Variants in SEMA5B observed in about 807,000 individuals in gnomAD.
SEMA5B encodes the protein semaphorin 5B, also known as semaphorin-5B.
A neutral mutation model predicts 135.0 loss-of-function variants in SEMA5B; 66 were observed. That is an observed-to-expected ratio of 0.49 (90% CI 0.40 to 0.60). The LOEUF (loss-of-function observed/expected upper bound fraction) is 0.60. Among genes scored for constraint, SEMA5B ranks in the 20% least tolerant of loss-of-function variants. The pLI is 0.00. For missense variants in SEMA5B, 1,501 were observed against 1,566.3 expected, an observed-to-expected ratio of 0.96 and a Z score of 0.70; for synonymous variants, 690 against 639.5, an observed-to-expected ratio of 1.08 and a Z score of -1.19.
chr3:122,932,621 C>T (rs1189889831), intron 5 of SEMA5B, among the ~76,000 whole-genome samples: 2 of 152,160 alleles, frequency 1.3e-5, no homozygotes, highest in East Asian at 3.8e-4. Flanking sequence ...GCAAGCCATA[C>T]TGCCCAGACC....
At chr3:122,968,560 C>T (rs1452487072) in intron 1 of SEMA5B, among the ~76,000 whole-genome samples, 2 of 152,090 alleles carry the variant, frequency 1.3e-5, no homozygotes, top group East Asian at 1.9e-4. Flanking sequence ...CTCCAACGCC[C>T]GCCCCAACAC....
chr3:122,974,602 G>A (rs1013430110), intron 1 of SEMA5B, among the ~76,000 whole-genome samples: 9 of 152,170 alleles, frequency 5.9e-5, no homozygotes, highest in Admixed American at 1.3e-4. Flanking sequence ...AGCTGAGCAG[G>A]CCATGGGGCT....
chr3:122,978,703 T>C (rs896354494), intron 1 of SEMA5B, among the ~76,000 whole-genome samples: 1 of 152,030 alleles, frequency 6.6e-6, no homozygotes, highest in African/African-American at 2.4e-5. Flanking sequence ...TGGAGAGGCA[T>C]GGACAGCCAG....
chr3:122,985,637 T>A (rs1941673987), intron 1 of SEMA5B, among the ~76,000 whole-genome samples: 1 of 152,122 alleles, frequency 6.6e-6, no homozygotes, highest in South Asian at 2.1e-4. Flanking sequence ...ATTTGATAGA[T>A]CTACCCCCAG....
chr3:122,923,674 G>A lies in SEMA5B; in HGVS notation c.1215C>T (p.Tyr405=). The A allele has an allele frequency of 6.2e-7, 1 of 1,614,134 alleles. No individual in the cohort carries two copies. ...ISQAFNGPFR[Y]QENPRAAWLP... ...GCCAGGCAGCCCTGGGGTTCTCCTG[G>A]TAGCGAAATGGGCCATTGAAAGCCT... The change falls in exon 10 of 23, where the codon TAC becomes TAT. Residue 405 remains tyrosine (Y), a synonymous_variant. Coordinates refer to ENST00000357599, the MANE Select transcript of SEMA5B (RefSeq NM_001031702.4).
At chr3:123,018,078 G>C (rs917569114) in intron 1 of SEMA5B, among the ~76,000 whole-genome samples, 10 of 152,186 alleles carry the variant, frequency 6.6e-5, no homozygotes, top group African/African-American at 2.4e-4. Flanking sequence ...GAGAATTCCT[G>C]CTCTAAAGAA....
chr3:122,923,697 C>T lies in SEMA5B; in HGVS notation c.1192G>A (p.Ala398Thr). The T allele has an allele frequency of 6.2e-7, 1 of 1,614,106 alleles. No homozygotes were observed. The highest frequency in any genetic ancestry group is 8.5e-7 in the Non-Finnish European group (1 of 1,179,994). The change falls in exon 10 of 23, where the codon GCT (alanine) becomes ACT (threonine). Residue 398 changes from alanine to threonine, a missense_variant. Around this residue, in one of 2 missense-constraint regions of SEMA5B, gnomAD observed 574 missense variants for 684.7 expected, o/e 0.84. Coordinates refer to ENST00000357599, the MANE Select transcript of SEMA5B (RefSeq NM_001031702.4). ...CAFNLSAISQ[A>T]FNGPFRYQEN... ...TGGTAGCGAAATGGGCCATTGAAAG[C>T]CTGGGAGATAGCACTGAGGTTGAAG...
chr3:123,003,791 G>A lies in SEMA5B; in HGVS notation c.-39+23673C>T, dbSNP rs189602912. 5.5e-3 allele frequency among the ~76,000 whole-genome samples: 840 copies of A among 152,124 alleles called. 4 individuals are homozygous for A. Among genetic ancestry groups the A allele is most frequent in the African/African-American group, 0.019 (787 of 41,488 alleles). ...GGAGATTGCAGTGAGCTGAGATTGC[G>A]CCACTGCACTCCAGCCTGGGCGACA... On this transcript the variant is annotated intron_variant, in intron 1 of 22. Transcript: ENST00000357599.
At position 122,913,574 on chromosome 3, in the gene SEMA5B, C is replaced by A; in HGVS notation, c.2240G>T (p.Arg747Leu). ...NCGGGMQSRR[R>L]ACENGNSCLG... The stretch of plus-strand genomic sequence containing the variant: ...GCAGGAGTTGCCGTTCTCGCAGGCC[C>A]GACGCCGCGACTGCATGCCCCCTCC... The change falls in exon 16 of 23, where the codon CGG (arginine) becomes CTG (leucine). Residue 747 changes from arginine (R) to leucine (L), a missense_variant. This residue lies in a region of SEMA5B where 927 missense variants were observed against 881.6 expected (regional missense o/e 1.05). Transcript: ENST00000357599. The A allele has an allele frequency of 6.2e-7, 1 of 1,613,000 alleles. No individual in the cohort carries two copies. Among genetic ancestry groups the A allele is most frequent in the Non-Finnish European group, 8.5e-7 (1 of 1,179,880 alleles).
At chr3:122,967,057 T>TTTGC (rs1940884134) in intron 1 of SEMA5B, among the ~76,000 whole-genome samples, 1 of 151,414 alleles carries the variant, frequency 6.6e-6, no homozygotes, top group Middle Eastern at 3.2e-3. Flanking sequence ...GTTAATTTTG[T>TTTGC]ATTTTTAGTA....
intron 1 of SEMA5B, among the ~76,000 whole-genome samples, chr3:122,992,604 GC>G (rs1264472867): frequency 3.9e-5 from 6 of 152,102 alleles, no homozygotes; most frequent in Non-Finnish European, 7.4e-5. Context: ...GCTCCCTGAT[GC>G]CCCACCTCCT....
intron 1 of SEMA5B, among the ~76,000 whole-genome samples, chr3:123,006,339 T>C (rs1042611884): frequency 1.3e-5 from 2 of 152,174 alleles, no homozygotes; most frequent in African/African-American, 2.4e-5. Context: ...TCCTTTCCTG[T>C]CACCCTCAGT....
At chr3:122,982,664 A>G (rs985568969) in intron 1 of SEMA5B, among the ~76,000 whole-genome samples, 14 of 151,880 alleles carry the variant, frequency 9.2e-5, no homozygotes, top group African/African-American at 3.1e-4. Context: ...CCCTGCAGCC[A>G]TGCAGCCCAG....
intron 2 of SEMA5B, among the ~76,000 whole-genome samples, chr3:122,955,621 C>T (rs534064327): frequency 5.9e-5 from 9 of 152,240 alleles, no homozygotes; most frequent in South Asian, 2.1e-4. Context: ...CCAATTATCC[C>T]GAGGGTTGTA....
chr3:122,994,765 G>A lies in SEMA5B; in HGVS notation c.-39+32699C>T, dbSNP rs191911044. Among the ~76,000 whole-genome samples the A allele has an allele frequency of 1.5e-3, 230 of 152,284 alleles. 1 individual carries two copies. The highest frequency in any genetic ancestry group is 5.3e-3 in the African/African-American group (220 of 41,554). ...GCAAGCTGCTAAATCTCTGAGACTC[G>A]GTTTCCCTGTGTGACAAGTGGGAAT... On this transcript the variant is annotated intron_variant, in intron 1 of 22. Transcript: ENST00000357599.
At chr3:122,922,470 G>A (rs1457705779) in intron 10 of SEMA5B, 23 bp from the exon 11 acceptor site, 2 of 1,560,582 alleles carry the variant, frequency 1.3e-6, no homozygotes, top group East Asian at 4.8e-5. Flanking sequence ...GCCAGGTCAC[G>A]CGCGCCCCGG....
rs1938641826 is a variant in SEMA5B, at chr3:122,926,522, A to C, written c.1006T>G (p.Trp336Gly). 1 of 1,614,146 alleles carries C rather than the reference A, an allele frequency of 6.2e-7. No individual in the cohort carries two copies. The highest frequency in any genetic ancestry group is 1.1e-5 in the South Asian group (1 of 91,088). Reference protein sequence around the residue: ...VGGRFLLEDTWTTFMKARLNC... With the variant: ...VGGRFLLEDTGTTFMKARLNC... ...AGCCGGGCCTTCATGAATGTGGTCC[A>C]TGTGTCCTCCAGCAGGAATCGGCCC... is the stretch of plus-strand genomic sequence containing the variant. The change falls in exon 9 of 23, where the codon TGG becomes GGG. Residue 336 changes from tryptophan (W) to glycine (G), a missense_variant. Physicochemically the swap from Trp to Gly is radical, Grantham distance 184. Transcript: ENST00000357599.
At chr3:122,957,126 T>C (rs939605938) in intron 2 of SEMA5B, among the ~76,000 whole-genome samples, 5 of 152,128 alleles carry the variant, frequency 3.3e-5, no homozygotes, top group African/African-American at 1.2e-4. Context: ...AACCTAAAGA[T>C]TCAGGAGTTT....
intron 9 of SEMA5B, 42 bp from the exon 10 acceptor site, chr3:122,923,794 A>G: frequency 6.2e-7 from 1 of 1,611,896 alleles, no homozygotes; most frequent in Non-Finnish European, 8.5e-7. Context: ...TCCCTGTAAG[A>G]CCTGGCACCC....
Sources: allele counts gnomAD v4.1 joint callset (sites outside exome capture counted in the v4.1 genomes callset), GRCh38; gene constraint gnomAD v4.1.1; regional missense constraint gnomAD v4.1.1; transcripts MANE v1.5; gene names NCBI Gene and HGNC (gene_info 2026-07-23, HGNC 2026-07-21).